The following RSF1 variants were observed in gnomAD, a reference collection of about 807,000 sequenced individuals.
The protein encoded by RSF1 is HBV pX-associated protein 8.
Under a neutral mutation model 145.2 loss-of-function variants are expected in RSF1, and 13 were observed. The observed-to-expected ratio is 0.09, with a 90% CI of 0.06 to 0.14. The LOEUF (loss-of-function observed/expected upper bound fraction) is 0.14, where lower values mean the gene tolerates loss of function less well. Among genes scored for constraint, RSF1 ranks in the 10% least tolerant of loss-of-function variants. The probability of loss-of-function intolerance (pLI) is 1.00; values close to 1 mark genes in which losing one functional copy is unlikely to be tolerated. For missense variants in RSF1, 1,517 were observed against 1,718.2 expected, an observed-to-expected ratio of 0.88 and a Z score of 2.07; for synonymous variants, 577 against 592.6, an observed-to-expected ratio of 0.97 and a Z score of 0.38.
At chr11:77,861,785 G>T in the RSF1 span, among the ~76,000 whole-genome samples, 10 of 152,112 alleles carry the variant, frequency 6.6e-5, no homozygotes, top group Admixed American at 3.9e-4. Context: ...TGACTAAAGC[G>T]GTGGCCTTTT....
At position 77,740,852 on chromosome 11, in the gene RSF1, G is replaced by C; in HGVS notation, c.457C>G (p.Pro153Ala). ...AGGCCATCTTTGTCTCGACCAATTG[G>C]CTGGAGACGCATAGTATCGGCATCC... Reference protein sequence around the residue: ...EEDADTMRLQPIGRDKDGLMY... With the variant: ...EEDADTMRLQAIGRDKDGLMY... The change falls in exon 4 of 16, where the codon CCA (proline) becomes GCA (alanine). Residue 153 changes from proline (P) to alanine (A), a missense_variant. Physicochemically the swap from Pro to Ala is conservative, Grantham distance 27. Transcript: ENST00000308488. The C allele has an allele frequency of 1.2e-6, 2 of 1,614,050 alleles. No individual in the cohort carries two copies. The highest frequency in any genetic ancestry group is 1.7e-6 in the Non-Finnish European group (2 of 1,179,944).
Position 77,665,614 on chromosome 11 carries a change from T to C in RSF1, c.*1303A>G, listed in dbSNP as rs1356445724. ...GTTGAGATGTTTGAAATGGATGTCATGCCTATTAATTACATCGGCAGTTCT... is the reference window on the plus strand; with the variant it reads ...GTTGAGATGTTTGAAATGGATGTCACGCCTATTAATTACATCGGCAGTTCT... On this transcript the variant is annotated 3_prime_UTR_variant, in exon 16 of 16. Coordinates refer to ENST00000308488, the MANE Select transcript of RSF1 (RefSeq NM_016578.4). 1.3e-5 allele frequency: 2 copies of C among 152,362 alleles called. No individual in the cohort carries two copies. The highest frequency in any genetic ancestry group is 1.9e-4 in the East Asian group (1 of 5,190). 9.4% of individuals were successfully genotyped at this position (152,362 alleles called of 1,614,324 possible).
At chr11:77,813,856 C>CAG (rs1555002890) in intron 1 of RSF1, among the ~76,000 whole-genome samples, 42 of 147,722 alleles carry the variant, frequency 2.8e-4, no homozygotes, top group East Asian at 2.2e-3. Context: ...CACACACACA[C>CAG]AGAGATAATG....
At chr11:77,696,920 T>A (rs1355681461) in intron 7 of RSF1, among the ~76,000 whole-genome samples, 1 of 152,200 alleles carries the variant, frequency 6.6e-6, no homozygotes, top group Non-Finnish European at 1.5e-5. Context: ...TCACTGATAA[T>A]ACATTTAGCT....
chr11:77,868,582 C>T, the RSF1 span: 1 of 151,964 alleles, frequency 6.6e-6, no homozygotes, highest in Non-Finnish European at 1.5e-5. Context: ...TGGTATCAAA[C>T]TCCTGACCTC....
At chr11:77,699,929 A>ATAC (rs1388911366) in intron 6 of RSF1, among the ~76,000 whole-genome samples, 4 of 152,210 alleles carry the variant, frequency 2.6e-5, no homozygotes, top group African/African-American at 9.7e-5. Context: ...AGCAAAAGGG[A>ATAC]TACTATATCT....
chr11:77,672,304 A>G, intron 14 of RSF1, 74 bp from the exon 15 acceptor site: 1 of 1,192,678 alleles, frequency 8.4e-7, no homozygotes, highest in Non-Finnish European at 1.2e-6. Context: ...TATAAAAATG[A>G]AAAGCTACCA....
At chr11:77,716,485 C>A (rs560530158) in intron 5 of RSF1, among the ~76,000 whole-genome samples, 20 of 152,082 alleles carry the variant, frequency 1.3e-4, no homozygotes, top group Non-Finnish European at 2.6e-4. Flanking sequence ...ATGGATAAAC[C>A]TGGAAGATAC....
At chr11:77,793,180 G>A (rs1451045156) in intron 1 of RSF1, among the ~76,000 whole-genome samples, 2 of 152,288 alleles carry the variant, frequency 1.3e-5, no homozygotes, top group African/African-American at 4.8e-5. Flanking sequence ...TGGCTGAATG[G>A]ATAAAGAAAC....
chr11:77,716,587 T>C (rs1037401849), intron 5 of RSF1, among the ~76,000 whole-genome samples: 12 of 151,802 alleles, frequency 7.9e-5, no homozygotes, highest in African/African-American at 2.7e-4. Context: ...AGAAGCAGAG[T>C]AGAATAGTGG....
chr11:77,745,853 C>T (rs1225451283), intron 3 of RSF1, among the ~76,000 whole-genome samples: 2 of 151,862 alleles, frequency 1.3e-5, no homozygotes, highest in Non-Finnish European at 2.9e-5. Flanking sequence ...CCTATGTCAG[C>T]TATCCCAATG....
intron 2 of RSF1, among the ~76,000 whole-genome samples, chr11:77,751,788 C>T (rs1948066405): frequency 6.6e-6 from 1 of 152,202 alleles, no homozygotes; most frequent in African/African-American, 2.4e-5. Flanking sequence ...GTCACCTCTG[C>T]ACAAATTCGA....
chr11:77,792,194 A>G (rs539678891), intron 1 of RSF1, among the ~76,000 whole-genome samples: 9 of 152,236 alleles, frequency 5.9e-5, no homozygotes, highest in Middle Eastern at 3.4e-3. Context: ...TCCCCCTTAT[A>G]GTAACCATCA....
At chr11:77,832,461 G>C in the RSF1 span, among the ~76,000 whole-genome samples, 2 of 151,908 alleles carry the variant, frequency 1.3e-5, no homozygotes, top group African/African-American at 2.4e-5. Context: ...CCAGTAGCTG[G>C]GATTACAGGC....
chr11:77,792,367 C>A (rs191110856), intron 1 of RSF1, among the ~76,000 whole-genome samples: 53 of 152,232 alleles, frequency 3.5e-4, no homozygotes, highest in African/African-American at 1.2e-3. Context: ...AACCCACCCC[C>A]ACTCTCCCAG....
At chr11:77,805,523 C>T (rs545824612) in intron 1 of RSF1, among the ~76,000 whole-genome samples, 8 of 152,088 alleles carry the variant, frequency 5.3e-5, no homozygotes, top group African/African-American at 1.9e-4. Flanking sequence ...CAATTGGGTA[C>T]AAATGCCAAG....
Position 77,701,421 on chromosome 11 carries a change from A to G in RSF1, c.1808T>C (p.Leu603Ser). 6.2e-7 allele frequency: 1 copy of G among 1,614,084 alleles called. No individual in the cohort carries two copies. The highest frequency in any genetic ancestry group is 8.5e-7 in the Non-Finnish European group (1 of 1,180,010). The change falls in exon 6 of 16, where the codon TTG (leucine) becomes TCG (serine). Residue 603 changes from leucine to serine, a missense_variant. Physicochemically the swap from Leu to Ser is moderately radical, Grantham distance 145. Around this residue, in one of 12 missense-constraint regions of RSF1, gnomAD observed 579 missense variants for 553.5 expected, o/e 1.05. Transcript: ENST00000308488. ...TGGAACTTCTTCTGGTATTGGACTC[A>G]ATCTTTGTGCGTCCTTATCAAGAAA... ...KTFLDKDAQR[L>S]SPIPEEVPKS...
At chr11:77,705,269 G>A (rs1002790748) in intron 5 of RSF1, among the ~76,000 whole-genome samples, 10 of 152,072 alleles carry the variant, frequency 6.6e-5, no homozygotes, top group African/African-American at 2.2e-4. Context: ...GAGTTTAAAA[G>A]GCATAAAATT....
At chr11:77,741,788 C>T (rs1225232145) in intron 3 of RSF1, among the ~76,000 whole-genome samples, 2 of 152,074 alleles carry the variant, frequency 1.3e-5, no homozygotes, top group East Asian at 1.9e-4. Flanking sequence ...TACAACTGAT[C>T]TCCTGAACTA....
Sources: gnomAD v4.1 joint callset for allele counts (sites outside exome capture counted in the v4.1 genomes callset) on GRCh38, gnomAD v4.1.1 for gene constraint, gnomAD v4.1.1 regional missense constraint, MANE v1.5 for transcripts, NCBI Gene and HGNC (gene_info 2026-07-23, HGNC 2026-07-21) for gene names.